STK32B: variants seen among roughly 807,000 people sequenced by gnomAD.
STK32B encodes the protein serine/threonine kinase 32B, also known as serine/threonine-protein kinase 32B.
Under a neutral mutation model 52.6 loss-of-function variants are expected in STK32B, and 43 were observed. The observed-to-expected ratio is 0.82, with a 90% CI of 0.64 to 1.05. STK32B has a LOEUF of 1.05. STK32B is among the 50% of genes least tolerant of loss of function. The pLI is 0.00. For synonymous variants in STK32B, 238 were observed against 204.3 expected (o/e 1.17, Z -1.41); for missense variants, 621 against 534.6 (o/e 1.16, Z -1.59).
chr4:5,025,272 A>G, the STK32B span, among the ~76,000 whole-genome samples: 1 of 151,894 alleles, frequency 6.6e-6, no homozygotes, highest in African/African-American at 2.4e-5. Flanking sequence ...CTCCACATCT[A>G]TGCTGGTCCA....
chr4:5,399,058 C>A lies in STK32B; in HGVS notation c.472+814C>A, dbSNP rs1478956457. Among the ~76,000 whole-genome samples the A allele has an allele frequency of 1.3e-5, 2 of 151,052 alleles. No individual in the cohort carries two copies. The highest frequency in any genetic ancestry group is 1.3e-4 in the Admixed American group (2 of 15,246). On this transcript the variant is annotated intron_variant, in intron 5 of 11. Transcript: ENST00000282908. The surrounding 1 kb of genome is among the most constrained non-coding windows in gnomAD (Gnocchi z 5.4). ...ATGGAATGCCCACAAAGTTTAAGAACCATGAGCCTAGGGCTCAGATCAAGA... is the reference window on the plus strand; with the variant it reads ...ATGGAATGCCCACAAAGTTTAAGAAACATGAGCCTAGGGCTCAGATCAAGA...
intron 5 of STK32B, among the ~76,000 whole-genome samples, chr4:5,409,680 G>A (rs1737894163): frequency 6.6e-6 from 1 of 152,118 alleles, no homozygotes; most frequent in Admixed American, 6.5e-5. Context: ...ATTAGCTGGG[G>A]ATGGAAGTGT....
chr4:5,087,954 C>T (rs936428036), intron 1 of STK32B, among the ~76,000 whole-genome samples: 3 of 152,006 alleles, frequency 2.0e-5, no homozygotes, highest in Non-Finnish European at 2.9e-5. Context: ...AACTGATGGA[C>T]ATGTATATAA....
chr4:5,256,242 A>G (rs963914576), intron 3 of STK32B, among the ~76,000 whole-genome samples: 4 of 152,206 alleles, frequency 2.6e-5, no homozygotes, highest in African/African-American at 9.7e-5. Flanking sequence ...GTTTCATCTC[A>G]CAAGCTTAGT....
intron 3 of STK32B, among the ~76,000 whole-genome samples, chr4:5,232,072 C>T (rs1724311838): frequency 6.6e-6 from 1 of 152,158 alleles, no homozygotes; most frequent in South Asian, 2.1e-4. Flanking sequence ...AGGCACGTCC[C>T]TTCCTTTGCT....
intron 1 of STK32B, among the ~76,000 whole-genome samples, chr4:5,137,743 A>G (rs1716158696): frequency 6.6e-6 from 1 of 152,230 alleles, no homozygotes; most frequent in African/African-American, 2.4e-5. Flanking sequence ...TGTCTACAGA[A>G]GGTTCAGAGT....
chr4:5,269,396 ACAAAGAT>A (rs1182959713), intron 3 of STK32B, among the ~76,000 whole-genome samples: 2 of 152,222 alleles, frequency 1.3e-5, no homozygotes, highest in African/African-American at 2.4e-5. Flanking sequence ...AGCGAGACTT[ACAAAGAT>A]CAAACTATTT....
intron 1 of STK32B, among the ~76,000 whole-genome samples, chr4:5,105,656 C>G (rs572259384): frequency 6.6e-6 from 1 of 151,940 alleles, no homozygotes; most frequent in African/African-American, 2.4e-5. Flanking sequence ...CTCCGCCTCC[C>G]GGGTTCACGC....
chr4:5,312,276 ATTAGGTTTCTTTTTTTATTTTG>A (rs1730344733), intron 3 of STK32B, among the ~76,000 whole-genome samples: 1 of 146,240 alleles, frequency 6.8e-6, no homozygotes, highest in African/African-American at 2.7e-5. Context: ...TTATTTTATT[ATTAGGTTTCTTTTTTTATTTTG>A]TTATTATACT....
chr4:5,367,085 G>A (rs1439110778), intron 4 of STK32B, among the ~76,000 whole-genome samples: 2 of 152,002 alleles, frequency 1.3e-5, no homozygotes, highest in East Asian at 1.9e-4. Context: ...GATTTTAATT[G>A]CAGAAGAAAA....
intron 1 of STK32B, among the ~76,000 whole-genome samples, chr4:5,062,530 G>A (rs1022740098): frequency 1.8e-4 from 27 of 151,884 alleles, no homozygotes; most frequent in Non-Finnish European, 3.2e-4. Context: ...TTTTTGAGAC[G>A]GAGTCTTGCA....
Position 5,439,055 on chromosome 4 carries a change from A to G in STK32B, c.563-7618A>G, listed in dbSNP as rs569762494. ...CTTTGCTATTGTGAATAATGCCGCA[A>G]TAAACATATGTGTGCATGTGTCTTT... On this transcript the variant is annotated intron_variant, in intron 6 of 11. Transcript: ENST00000282908. 1.4e-3 allele frequency among the ~76,000 whole-genome samples: 207 copies of G among 150,166 alleles called. 2 individuals are homozygous for G. Among genetic ancestry groups the G allele is most frequent in the Non-Finnish European group, 7.8e-4 (53 of 67,528 alleles).
chr4:5,305,738 T>G (rs1729886659), intron 3 of STK32B, among the ~76,000 whole-genome samples: 1 of 152,132 alleles, frequency 6.6e-6, no homozygotes, highest in Non-Finnish European at 1.5e-5. Context: ...TCTTTTCCTT[T>G]GCTAGGGTTG....
intron 2 of STK32B, chr4:5,140,273 G>A: frequency 7.3e-7 from 1 of 1,377,064 alleles, no homozygotes; most frequent in Non-Finnish European, 9.6e-7. Context: ...CACAAAGGCA[G>A]CTCTTTCCAG....
At chr4:5,095,542 A>G (rs4689985) in intron 1 of STK32B, among the ~76,000 whole-genome samples, 24,147 of 152,102 alleles carry the variant, frequency 0.16, 2,408 homozygotes, top group African/African-American at 0.29. Context: ...TTGAACCTGG[A>G]AGGTAGAGGT....
intron 4 of STK32B, among the ~76,000 whole-genome samples, chr4:5,354,000 C>G (rs967338787): frequency 6.6e-6 from 1 of 152,032 alleles, no homozygotes; most frequent in Admixed American, 6.6e-5. Flanking sequence ...CATTGGCAGA[C>G]AAATGGATAA....
intron 3 of STK32B, among the ~76,000 whole-genome samples, chr4:5,207,732 G>C (rs1311091587): frequency 6.6e-6 from 1 of 151,542 alleles, no homozygotes; most frequent in Non-Finnish European, 1.5e-5. Flanking sequence ...AAGTGTCTGA[G>C]ACTGCAGCTG....
chr4:5,226,231 T>A (rs1723862751), intron 3 of STK32B, among the ~76,000 whole-genome samples: 1 of 152,218 alleles, frequency 6.6e-6, no homozygotes, highest in Admixed American at 6.5e-5. Flanking sequence ...TTGCTATTTT[T>A]TTGCAGATGC....
At chr4:5,026,413 A>G in the STK32B span, among the ~76,000 whole-genome samples, 1 of 152,190 alleles carries the variant, frequency 6.6e-6, no homozygotes, top group African/African-American at 2.4e-5. Flanking sequence ...GGCCTCAGGA[A>G]ACTTACAATC....
Sources: gnomAD v4.1 joint callset for allele counts (sites outside exome capture counted in the v4.1 genomes callset) on GRCh38, gnomAD v4.1.1 for gene constraint, Gnocchi (gnomAD v3.1) non-coding constraint, MANE v1.5 for transcripts, NCBI Gene and HGNC (gene_info 2026-07-23, HGNC 2026-07-21) for gene names.